Variants in SDK1 observed in about 807,000 individuals in gnomAD.
The protein encoded by SDK1 is sidekick cell adhesion molecule 1.
SDK1 carries 157 observed loss-of-function variants against 245.5 expected under a neutral mutation model. The ratio of observed to expected loss-of-function variants is 0.64; its 90% CI spans 0.56 to 0.73. The LOEUF is 0.73. Ranked by LOEUF, SDK1 falls within the 30% of genes least tolerant of loss-of-function variation. The pLI is 0.00. For missense variants in SDK1, 3,583 were observed against 3,002.3 expected (o/e 1.19, Z -4.52); for synonymous variants, 1,647 against 1,278.5 (o/e 1.29, Z -6.15).
intron 1 of SDK1, among the ~76,000 whole-genome samples, chr7:3,308,290 G>A (rs768954849): frequency 2.6e-5 from 4 of 152,068 alleles, no homozygotes; most frequent in Non-Finnish European, 4.4e-5. Context: ...TGAGAAAATG[G>A]CGATGGATGA....
At chr7:3,340,400 A>G (rs949375626) in intron 1 of SDK1, among the ~76,000 whole-genome samples, 1 of 152,194 alleles carries the variant, frequency 6.6e-6, no homozygotes, top group African/African-American at 2.4e-5. Context: ...GCTGTTGGAA[A>G]AATGGTGCTG....
At position 4,261,015 on chromosome 7, in the gene SDK1, G is replaced by A. The variant is rs373054075; in HGVS notation, c.6382-4109G>A. Among the ~76,000 whole-genome samples the A allele has an allele frequency of 9.9e-5, 15 of 152,252 alleles. No homozygotes were observed. The East Asian group carries it at 1.7e-3, about 18-fold the overall frequency. On this transcript the variant is annotated intron_variant, in intron 44 of 44. Transcript: ENST00000404826. ...GCCAAACAGTTTATACTTAATGTTC[G>A]GAGAAGTCCCAAATCTGTGACTCGC... is the stretch of plus-strand genomic sequence containing the variant.
At chr7:3,678,890 C>G (rs1370831317) in intron 4 of SDK1, among the ~76,000 whole-genome samples, 1 of 151,946 alleles carries the variant, frequency 6.6e-6, no homozygotes, top group Non-Finnish European at 1.5e-5. Context: ...AAATAATGAA[C>G]CTGACCTAAA....
intron 1 of SDK1, among the ~76,000 whole-genome samples, chr7:3,514,549 A>T (rs1262597286): frequency 6.6e-6 from 1 of 152,130 alleles, no homozygotes; most frequent in African/African-American, 2.4e-5. Flanking sequence ...ACTGCTCGCC[A>T]TTCACCTCGT....
At chr7:3,346,256 G>C (rs569085242) in intron 1 of SDK1, among the ~76,000 whole-genome samples, 42 of 152,260 alleles carry the variant, frequency 2.8e-4, no homozygotes, top group African/African-American at 7.5e-4. Flanking sequence ...CTGCCAGCTT[G>C]TCTGCAGCTC....
chr7:4,139,707 G>GTGTTTGTGTGTGTA lies in SDK1; in HGVS notation c.4229-6012_4229-6011insTTGTGTGTGTATGT, dbSNP rs1562872833. Among the ~76,000 whole-genome samples, 4 of 7,952 alleles carry GTGTTTGTGTGTGTA rather than the reference G, an allele frequency of 5.0e-4. No individual in the cohort carries two copies. The East Asian group carries it at 0.041, about 81-fold the overall frequency. 5.2% of individuals were successfully genotyped at this position (7,952 alleles called of 152,430 possible). A position where few individuals can be genotyped will look rare whatever the true frequency, so the allele number is the denominator to read the frequency against. ...TGTGTGTGTATGTGTGTGTGTGTAT[G>GTGTTTGTGTGTGTA]TGTGTGTGTGTGTATGTGTGTGTGT... On this transcript the variant is annotated intron_variant, in intron 28 of 44. Coordinates refer to ENST00000404826, the MANE Select transcript of SDK1 (RefSeq NM_152744.4).
chr7:4,111,504 C>T (rs963597736), intron 23 of SDK1, among the ~76,000 whole-genome samples: 18 of 150,994 alleles, frequency 1.2e-4, no homozygotes, highest in African/African-American at 2.2e-4. Context: ...TTTTTCTTTC[C>T]GGCACAAAAC....
chr7:3,459,459 CCA>C (rs922322596), intron 1 of SDK1, among the ~76,000 whole-genome samples: 8 of 152,128 alleles, frequency 5.3e-5, no homozygotes, highest in African/African-American at 1.9e-4. Flanking sequence ...CATGAAGAAC[CCA>C]GTTTCTGCCT....
chr7:3,546,695 T>G (rs1779236351), intron 1 of SDK1, among the ~76,000 whole-genome samples: 1 of 152,230 alleles, frequency 6.6e-6, no homozygotes, highest in African/African-American at 2.4e-5. Flanking sequence ...AAGACCATCA[T>G]TTCACAAGGA....
chr7:4,103,066 T>A (rs1028111310), intron 22 of SDK1, among the ~76,000 whole-genome samples: 2 of 147,760 alleles, frequency 1.4e-5, no homozygotes, highest in African/African-American at 5.0e-5. Flanking sequence ...AGTGGTGCGA[T>A]CTCGGCTCAC....
chr7:4,107,734 C>G (rs1328953124), intron 22 of SDK1, among the ~76,000 whole-genome samples: 1 of 152,184 alleles, frequency 6.6e-6, no homozygotes, highest in Admixed American at 6.5e-5. Flanking sequence ...CCGCCTACGA[C>G]CCCCATCTCC....
chr7:3,433,681 G>C (rs1779932418), intron 1 of SDK1, among the ~76,000 whole-genome samples: 1 of 152,168 alleles, frequency 6.6e-6, no homozygotes, highest in African/African-American at 2.4e-5. Context: ...ATACAAACAT[G>C]TTGGAAATCT....
intron 4 of SDK1, among the ~76,000 whole-genome samples, chr7:3,792,390 T>C (rs1781124940): frequency 6.6e-6 from 1 of 152,214 alleles, no homozygotes; most frequent in Admixed American, 6.5e-5. Context: ...AGATAATTAA[T>C]TTTGTTGTTT....
At chr7:4,040,008 G>T (rs1157469241) in intron 17 of SDK1, among the ~76,000 whole-genome samples, 1 of 152,164 alleles carries the variant, frequency 6.6e-6, no homozygotes, top group Non-Finnish European at 1.5e-5. Context: ...GAACCAAACT[G>T]GGTTTGTCTG....
chr7:4,084,547 G>C (rs193117005), intron 22 of SDK1, among the ~76,000 whole-genome samples: 4 of 152,072 alleles, frequency 2.6e-5, no homozygotes, highest in African/African-American at 9.7e-5. Context: ...GGATCTCCTC[G>C]CTCCCAGCTG....
In SDK1 at chr7:4,114,177, G is replaced by A. The variant is rs1783541239; in HGVS notation, c.3726G>A (p.Leu1242=). 1.2e-6 allele frequency: 2 copies of A among 1,614,172 alleles called. No individual in the cohort carries two copies. The highest frequency in any genetic ancestry group is 1.7e-6 in the Non-Finnish European group (2 of 1,180,024). Residue 1242 remains leucine, a synonymous_variant, in exon 25 of 45, where the codon CTG becomes CTA. Transcript: ENST00000404826. ...RLEREFTIEE[L]EEWMEYELQM... ...AGAGAGAATTCACCATCGAGGAGCT[G>A]GAGGAGTGGATGGAATACGAGCTGC... is the stretch of plus-strand genomic sequence containing the variant.
intron 14 of SDK1, among the ~76,000 whole-genome samples, chr7:4,004,898 T>A (rs1446356292): frequency 6.6e-6 from 1 of 152,056 alleles, no homozygotes; most frequent in African/African-American, 2.4e-5. Context: ...TTGTTTTGTG[T>A]CTCACTGTGT....
At chr7:3,705,051 C>G (rs1784845850) in intron 4 of SDK1, among the ~76,000 whole-genome samples, 1 of 152,112 alleles carries the variant, frequency 6.6e-6, no homozygotes, top group Admixed American at 6.5e-5. Context: ...GTCTATGTGT[C>G]TACTTTTGTA....
At position 4,091,608 on chromosome 7, in the gene SDK1, C is replaced by T. The variant is rs577892653; in HGVS notation, c.3324+12024C>T. 7.9e-5 allele frequency among the ~76,000 whole-genome samples: 12 copies of T among 152,208 alleles called. No individual in the cohort carries two copies. In the East Asian group the frequency reaches 1.5e-3, roughly 20 times the overall value. On this transcript the variant is annotated intron_variant, in intron 22 of 44. Coordinates refer to ENST00000404826, the MANE Select transcript of SDK1 (RefSeq NM_152744.4). ...TCCACCCACCTCAGCCTCCAAAGTG[C>T]TAGGATTACAGGCGTGAGCCACTGC...
Sources: allele counts gnomAD v4.1 joint callset (sites outside exome capture counted in the v4.1 genomes callset), GRCh38; gene constraint gnomAD v4.1.1; transcripts MANE v1.5; gene names NCBI Gene and HGNC (gene_info 2026-07-23, HGNC 2026-07-21).